IGF2BP2: variants seen among roughly 807,000 people sequenced by gnomAD.
IGF2BP2 encodes the protein insulin-like growth factor 2 mRNA-binding protein 2.
A neutral mutation model predicts 75.8 loss-of-function variants in IGF2BP2; 17 were observed. That is an observed-to-expected ratio of 0.22 (90% CI 0.15 to 0.34). IGF2BP2 has a LOEUF of 0.34. Among genes scored for constraint, IGF2BP2 ranks in the 10% least tolerant of loss-of-function variants. The pLI is 1.00. For missense variants in IGF2BP2, 516 were observed against 772.4 expected, an observed-to-expected ratio of 0.67 and a Z score of 3.93; for synonymous variants, 288 against 295.6, an observed-to-expected ratio of 0.97 and a Z score of 0.26.
intron 6 of IGF2BP2, among the ~76,000 whole-genome samples, chr3:185,688,730 A>C (rs1721494927): frequency 6.6e-6 from 1 of 152,210 alleles, no homozygotes; most frequent in Non-Finnish European, 1.5e-5. Context: ...AAAACCATTT[A>C]AAGTGCTACA....
chr3:185,670,770 A>C (rs367856252), intron 10 of IGF2BP2, among the ~76,000 whole-genome samples: 3 of 151,928 alleles, frequency 2.0e-5, no homozygotes, highest in Non-Finnish European at 4.4e-5. Flanking sequence ...GGGTTTCACC[A>C]TGCTGGCTAG....
intron 2 of IGF2BP2, among the ~76,000 whole-genome samples, chr3:185,790,781 TAGC>T (rs1469327681): frequency 6.6e-6 from 1 of 152,198 alleles, no homozygotes; most frequent in African/African-American, 2.4e-5. Flanking sequence ...AATAATTTAG[TAGC>T]AGAATATTCA....
chr3:185,656,167 G>A (rs1207997750), intron 12 of IGF2BP2, among the ~76,000 whole-genome samples: 2 of 151,994 alleles, frequency 1.3e-5, no homozygotes, highest in Non-Finnish European at 1.5e-5. Context: ...CAGCCAGCCA[G>A]GGGGTCTTCC....
At chr3:185,745,824 T>G (rs1265504555) in intron 2 of IGF2BP2, among the ~76,000 whole-genome samples, 1 of 151,800 alleles carries the variant, frequency 6.6e-6, no homozygotes, top group African/African-American at 2.4e-5. Flanking sequence ...TTTCGTATTG[T>G]GAATGCCACT....
In IGF2BP2 at chr3:185,672,544, G is replaced by A; in HGVS notation, c.1197C>T (p.Phe399=). 1.2e-6 allele frequency: 2 copies of A among 1,611,574 alleles called. No homozygotes were observed. The highest frequency in any genetic ancestry group is 1.1e-5 in the South Asian group (1 of 90,692). ...GAPPAAPYHP[F]TTHSGYFSSL... ...CTCCACAAGCTGAGCTACTTACAGTGAAGGGGTGGTAGGGGGCAGCGGGGG... is the reference window on the plus strand; with the variant it reads ...CTCCACAAGCTGAGCTACTTACAGTAAAGGGGTGGTAGGGGGCAGCGGGGG... The change falls in exon 10 of 16, where the codon TTC becomes TTT. Residue 399 remains phenylalanine, a synonymous_variant. Coordinates refer to ENST00000382199, the MANE Select transcript of IGF2BP2 (RefSeq NM_006548.6).
At chr3:185,676,356 C>G (rs920543976) in intron 7 of IGF2BP2, among the ~76,000 whole-genome samples, 6 of 152,088 alleles carry the variant, frequency 3.9e-5, no homozygotes, top group Non-Finnish European at 7.4e-5. Flanking sequence ...AGCTGAGAAG[C>G]TATAATATGA....
chr3:185,743,203 A>G (rs1190934698), intron 2 of IGF2BP2, among the ~76,000 whole-genome samples: 1 of 152,232 alleles, frequency 6.6e-6, no homozygotes, highest in Non-Finnish European at 1.5e-5. Context: ...ACTTTAAGTA[A>G]CAAATAAAAC....
intron 2 of IGF2BP2, among the ~76,000 whole-genome samples, chr3:185,752,729 T>A (rs1050037384): frequency 1.3e-5 from 2 of 152,048 alleles, no homozygotes; most frequent in Non-Finnish European, 2.9e-5. Context: ...CCTGAGTAGC[T>A]GGTATTACAT....
At chr3:185,770,614 T>C (rs894447053) in intron 2 of IGF2BP2, among the ~76,000 whole-genome samples, 1 of 152,304 alleles carries the variant, frequency 6.6e-6, no homozygotes, top group Middle Eastern at 3.4e-3. Context: ...ATGTTTCCCA[T>C]AGCACCTGTG....
intron 2 of IGF2BP2, among the ~76,000 whole-genome samples, chr3:185,817,228 T>C (rs1004517968): frequency 6.6e-6 from 1 of 152,208 alleles, no homozygotes. Context: ...AAACAAAATG[T>C]ATCTCAAAAA....
intron 13 of IGF2BP2, among the ~76,000 whole-genome samples, chr3:185,650,977 C>T (rs1336644836): frequency 6.6e-6 from 1 of 152,206 alleles, no homozygotes; most frequent in Non-Finnish European, 1.5e-5. Flanking sequence ...GGCATGATCA[C>T]AGCTCACTGC....
intron 2 of IGF2BP2, among the ~76,000 whole-genome samples, chr3:185,765,896 C>T (rs1357783772): frequency 6.6e-6 from 1 of 152,158 alleles, no homozygotes; most frequent in East Asian, 1.9e-4. Flanking sequence ...AGCTGTAAAG[C>T]TAAATACGGA....
At chr3:185,797,962 G>A (rs1560486342) in intron 2 of IGF2BP2, among the ~76,000 whole-genome samples, 1 of 150,958 alleles carries the variant, frequency 6.6e-6, no homozygotes, top group African/African-American at 2.4e-5. Flanking sequence ...AACACTTTGG[G>A]AGGCCGAGGC....
chr3:185,689,535 G>A lies in IGF2BP2; in HGVS notation c.497C>T (p.Pro166Leu). 1.9e-6 allele frequency: 3 copies of A among 1,614,234 alleles called. No individual in the cohort carries two copies. The highest frequency in any genetic ancestry group is 2.2e-5 in the East Asian group (1 of 44,874). Reference protein sequence around the residue: ...PDEEVSSPSPPQRAQRGDHSS... With the variant: ...PDEEVSSPSPLQRAQRGDHSS... ...GTGGTCCCCACGCTGGGCTCGCTGA[G>A]GGGGCGAAGGGGAGCTCACCTCTTC... Residue 166 changes from proline (P) to leucine (L), a missense_variant, in exon 6 of 16, where the codon CCT becomes CTT. Transcript: ENST00000382199.
chr3:185,778,886 C>T (rs1734855652), intron 2 of IGF2BP2, among the ~76,000 whole-genome samples: 1 of 152,150 alleles, frequency 6.6e-6, no homozygotes, highest in Admixed American at 6.5e-5. Flanking sequence ...CCTTACATAA[C>T]AGTGTTCAGG....
intron 2 of IGF2BP2, among the ~76,000 whole-genome samples, chr3:185,789,372 G>C (rs571620201): frequency 6.6e-6 from 1 of 152,296 alleles, no homozygotes; most frequent in East Asian, 1.9e-4. Flanking sequence ...GGCTAGGCCA[G>C]TGACCATTCT....
At chr3:185,820,386 A>G (rs1436587467) in intron 2 of IGF2BP2, among the ~76,000 whole-genome samples, 1 of 152,014 alleles carries the variant, frequency 6.6e-6, no homozygotes, top group Admixed American at 6.6e-5. Flanking sequence ...TTTAATAAAC[A>G]TTTGACCATA....
chr3:185,810,473 G>A (rs1739647823), intron 2 of IGF2BP2, among the ~76,000 whole-genome samples: 1 of 152,092 alleles, frequency 6.6e-6, no homozygotes, highest in South Asian at 2.1e-4. Flanking sequence ...CCTTATATCA[G>A]ACATTTAACA....
At position 185,675,129 on chromosome 3, in the gene IGF2BP2, G is replaced by A. The variant is rs147890505; in HGVS notation, c.1071+167C>T. 57 of 560,432 alleles carry A rather than the reference G, an allele frequency of 1.0e-4. No individual in the cohort carries two copies. In the East Asian group the frequency reaches 1.3e-3, roughly 13 times the overall value. The allele number at this position is 560,432 out of a possible 1,614,324, so 34.7% of individuals were successfully genotyped here. A position where few individuals can be genotyped will look rare whatever the true frequency, so the allele number is the denominator to read the frequency against. On this transcript the variant is annotated intron_variant, in intron 9 of 15. Coordinates refer to ENST00000382199, the MANE Select transcript of IGF2BP2 (RefSeq NM_006548.6). ...ATGTCTTCACGTGATGTTGTCCAGC[G>A]CACTTATCATAATTTACTAGTTGGT...
Sources: gnomAD v4.1 joint callset for allele counts (sites outside exome capture counted in the v4.1 genomes callset) on GRCh38, gnomAD v4.1.1 for gene constraint, MANE v1.5 for transcripts, NCBI Gene and HGNC (gene_info 2026-07-23, HGNC 2026-07-21) for gene names.